Variants in SOX6 observed in about 807,000 individuals in gnomAD.
The protein encoded by SOX6 is SRY-box transcription factor 6, also known as transcription factor SOX-6.
In SOX6, 11 loss-of-function variants were observed where a neutral mutation model predicts 97.8. That is an observed-to-expected ratio of 0.11 (90% CI 0.07 to 0.19). SOX6 has a LOEUF of 0.19. Among genes scored for constraint, SOX6 ranks in the 10% least tolerant of loss-of-function variants. SOX6 has a pLI of 1.00. For missense variants in SOX6, 810 were observed against 1,039.5 expected (o/e 0.78, Z 3.04); for synonymous variants, 360 against 371.4 (o/e 0.97, Z 0.35).
intron 1 of SOX6, among the ~76,000 whole-genome samples, chr11:16,392,966 T>C (rs186589896): frequency 6.6e-6 from 1 of 152,214 alleles, no homozygotes; most frequent in Admixed American, 6.6e-5. Context: ...CTCAACATTT[T>C]AACCTGTCAA....
At chr11:16,653,898 TTATG>T (rs35888412) in intron 3 of SOX6, among the ~76,000 whole-genome samples, 24,348 of 151,432 alleles carry the variant, frequency 0.16, 2,046 homozygotes, top group Non-Finnish European at 0.18. Context: ...AATATAATAT[TTATG>T]TAATATTACA....
intron 3 of SOX6, among the ~76,000 whole-genome samples, chr11:16,646,463 T>C (rs1037577370): frequency 6.6e-6 from 1 of 152,044 alleles, no homozygotes; most frequent in African/African-American, 2.4e-5. Flanking sequence ...AGTTTTTTTA[T>C]TTTCTTTGTT....
At chr11:15,999,363 CAAATT>C (rs1487721433) in intron 13 of SOX6, among the ~76,000 whole-genome samples, 10 of 151,924 alleles carry the variant, frequency 6.6e-5, no homozygotes, top group Admixed American at 6.6e-4. Flanking sequence ...ACCCAGCAAA[CAAATT>C]AAAGCTTCTG....
chr11:16,587,163 A>C (rs1848104006), intron 4 of SOX6, among the ~76,000 whole-genome samples: 1 of 152,198 alleles, frequency 6.6e-6, no homozygotes, highest in South Asian at 2.1e-4. Flanking sequence ...AAAATCTCTT[A>C]GCTTAACTTG....
chr11:16,263,969 C>T (rs10766314), intron 3 of SOX6, among the ~76,000 whole-genome samples: 118,714 of 151,782 alleles, frequency 0.78, 46,569 homozygotes, highest in Middle Eastern at 0.8. Context: ...TTTAGGTAGT[C>T]CCACCCACTA....
intron 1 of SOX6, among the ~76,000 whole-genome samples, chr11:16,462,972 C>T (rs1038596809): frequency 6.6e-6 from 1 of 152,122 alleles, no homozygotes; most frequent in Non-Finnish European, 1.5e-5. Context: ...TGCAATATTC[C>T]AATAGGATGA....
chr11:15,987,432 C>T (rs888500626), intron 14 of SOX6, among the ~76,000 whole-genome samples: 8 of 152,134 alleles, frequency 5.3e-5, no homozygotes, highest in African/African-American at 7.2e-5. Context: ...CAGCTTAAAG[C>T]CCCAATTAAC....
At chr11:16,708,179 T>C (rs1398502380) in intron 3 of SOX6, among the ~76,000 whole-genome samples, 1 of 152,198 alleles carries the variant, frequency 6.6e-6, no homozygotes, top group African/African-American at 2.4e-5. Flanking sequence ...AAGTTATACA[T>C]GGATACTTAG....
intron 4 of SOX6, among the ~76,000 whole-genome samples, chr11:16,491,347 T>A (rs1860507803): frequency 6.6e-6 from 1 of 152,164 alleles, no homozygotes; most frequent in South Asian, 2.1e-4. Context: ...CTCATTGCAA[T>A]AAACTATGTA....
chr11:16,047,841 T>C (rs980528218), intron 11 of SOX6, among the ~76,000 whole-genome samples: 1 of 151,944 alleles, frequency 6.6e-6, no homozygotes, highest in Non-Finnish European at 1.5e-5. Context: ...TGCATTTGAG[T>C]TTGGAAAAAA....
chr11:16,733,587 G>A (rs1848367874), intron 2 of SOX6, among the ~76,000 whole-genome samples: 1 of 151,380 alleles, frequency 6.6e-6, no homozygotes, highest in Admixed American at 6.6e-5. Flanking sequence ...GGGGGTGGGG[G>A]GCTAGGGGAG....
At chr11:16,306,947 C>G (rs1565081912) in intron 3 of SOX6, among the ~76,000 whole-genome samples, 1 of 152,030 alleles carries the variant, frequency 6.6e-6, no homozygotes, top group Non-Finnish European at 1.5e-5. Context: ...TTCTTAATCA[C>G]AATGCTCACT....
chr11:15,972,498 A>G lies in SOX6; in HGVS notation c.*311T>C, dbSNP rs946414600. Reference sequence around the variant, plus strand: ...TTTATCAACATCCAAAAGAAAAAAAAAGTAAGACAAAAATATAAGACTTGT... The same window carrying G: ...TTTATCAACATCCAAAAGAAAAAAAGAGTAAGACAAAAATATAAGACTTGT... On this transcript the variant is annotated 3_prime_UTR_variant, in exon 16 of 16. Coordinates refer to ENST00000683767, the MANE Select transcript of SOX6 (RefSeq NM_001367873.1). 2 of 370,054 alleles carry G rather than the reference A, an allele frequency of 5.4e-6. No individual in the cohort carries two copies. Among genetic ancestry groups the G allele is most frequent in the African/African-American group, 2.1e-5 (1 of 48,144 alleles). 22.9% of individuals were successfully genotyped at this position (370,054 alleles called of 1,614,324 possible). A position where few individuals can be genotyped will look rare whatever the true frequency, so the allele number is the denominator to read the frequency against.
chr11:16,475,615 T>G (rs1242127763), intron 1 of SOX6, among the ~76,000 whole-genome samples: 2 of 152,104 alleles, frequency 1.3e-5, no homozygotes, highest in African/African-American at 2.4e-5. Context: ...ATAATTACAA[T>G]AGTAACATCA....
intron 1 of SOX6, among the ~76,000 whole-genome samples, chr11:16,453,475 A>G (rs1373678243): frequency 6.6e-6 from 1 of 152,172 alleles, no homozygotes; most frequent in East Asian, 1.9e-4. Context: ...AAACCTTTGT[A>G]CCAACAAATA....
chr11:16,380,804 C>A (rs10832599), intron 1 of SOX6, among the ~76,000 whole-genome samples: 46,006 of 151,840 alleles, frequency 0.3, 7,096 homozygotes, highest in East Asian at 0.52. Context: ...CAAAATAAGA[C>A]AATTGTGAAA....
chr11:16,492,902 T>C (rs925039403), intron 4 of SOX6, among the ~76,000 whole-genome samples: 5 of 152,098 alleles, frequency 3.3e-5, no homozygotes, highest in East Asian at 1.9e-4. Flanking sequence ...GAACTGAAAA[T>C]AAAAATTATG....
intron 3 of SOX6, among the ~76,000 whole-genome samples, chr11:16,301,278 AC>A (rs1480823572): frequency 1.3e-5 from 2 of 152,214 alleles, no homozygotes; most frequent in African/African-American, 2.4e-5. Flanking sequence ...TTATTTGAAC[AC>A]TTCTTAGACA....
intron 3 of SOX6, among the ~76,000 whole-genome samples, chr11:16,251,973 C>T (rs1853526314): frequency 9.3e-6 from 1 of 107,772 alleles, no homozygotes; most frequent in Non-Finnish European, 2.0e-5. Flanking sequence ...CATTCAGTAT[C>T]CATTTGTAAT....
Sources: gnomAD v4.1 joint callset for allele counts (sites outside exome capture counted in the v4.1 genomes callset) on GRCh38, gnomAD v4.1.1 for gene constraint, MANE v1.5 for transcripts, NCBI Gene and HGNC (gene_info 2026-07-23, HGNC 2026-07-21) for gene names.